The following NSRP1 variants were observed in gnomAD, a reference collection of about 807,000 sequenced individuals.
NSRP1 encodes the protein coiled-coil domain containing 55.
Under a neutral mutation model 54.7 loss-of-function variants are expected in NSRP1, and 24 were observed. The observed-to-expected ratio is 0.44, with a 90% CI of 0.32 to 0.62. The LOEUF (loss-of-function observed/expected upper bound fraction) is 0.62, where lower values mean the gene tolerates loss of function less well. NSRP1 is among the 20% of genes least tolerant of loss of function. The pLI is 0.06. For synonymous variants in NSRP1, 210 were observed against 213.8 expected (o/e 0.98, Z 0.15); for missense variants, 596 against 651.2 (o/e 0.92, Z 0.92).
At chr17:30,160,918 T>C (rs1398649120) in intron 2 of NSRP1, among the ~76,000 whole-genome samples, 1 of 152,206 alleles carries the variant, frequency 6.6e-6, no homozygotes, top group Non-Finnish European at 1.5e-5. Context: ...TTTCAGAAGC[T>C]GCTAAGGGGC....
At chr17:30,176,982 T>A (rs1905147898) in intron 3 of NSRP1, among the ~76,000 whole-genome samples, 1 of 152,204 alleles carries the variant, frequency 6.6e-6, no homozygotes, top group Non-Finnish European at 1.5e-5. Flanking sequence ...CATTAGCCAA[T>A]CTAGCAATTG....
At chr17:30,180,219 TGA>T (rs1905250568) in intron 5 of NSRP1, among the ~76,000 whole-genome samples, 1 of 152,196 alleles carries the variant, frequency 6.6e-6, no homozygotes, top group African/African-American at 2.4e-5. Flanking sequence ...TGCAGTCGTA[TGA>T]TCTTGGCTCA....
chr17:30,179,419 G>A (rs1905229361), intron 5 of NSRP1, 122 bp downstream of exon 5: 23 of 1,355,852 alleles, frequency 1.7e-5, no homozygotes, highest in Non-Finnish European at 2.0e-5. Flanking sequence ...TTATATATAG[G>A]AATTCAAGAC....
chr17:30,145,568 C>T (rs1442587335), intron 2 of NSRP1, among the ~76,000 whole-genome samples: 2 of 152,154 alleles, frequency 1.3e-5, no homozygotes, highest in South Asian at 2.1e-4. Context: ...GGCAACAGAG[C>T]GAGACTCCAT....
At chr17:30,163,661 G>T (rs1348972920) in intron 2 of NSRP1, among the ~76,000 whole-genome samples, 1 of 145,718 alleles carries the variant, frequency 6.9e-6, no homozygotes, top group Non-Finnish European at 1.5e-5. Context: ...GCAGTTTATG[G>T]TGCCTATACT....
chr17:30,168,945 A>G (rs1904832134), intron 2 of NSRP1: 1 of 152,030 alleles, frequency 6.6e-6, no homozygotes, highest in African/African-American at 2.4e-5. Context: ...AGAGTTATCC[A>G]CTGATGCTGT....
intron 2 of NSRP1, among the ~76,000 whole-genome samples, chr17:30,137,286 A>C (rs373232353): frequency 4.6e-4 from 70 of 152,212 alleles, no homozygotes; most frequent in South Asian, 1.4e-3. Context: ...TACTGAGTTT[A>C]TCTCTATAAT....
intron 2 of NSRP1, among the ~76,000 whole-genome samples, chr17:30,154,009 T>A (rs2071937751): frequency 6.6e-6 from 1 of 152,100 alleles, no homozygotes. Context: ...TTTTTTGTCT[T>A]ATTTTAAAAG....
At chr17:30,132,507 T>TCATGC (rs2071710118) in intron 2 of NSRP1, among the ~76,000 whole-genome samples, 1 of 152,018 alleles carries the variant, frequency 6.6e-6, no homozygotes, top group Non-Finnish European at 1.5e-5. Context: ...TGAGCCAAGA[T>TCATGC]CATGCCACTG....
At chr17:30,126,860 G>A (rs375158328) in intron 2 of NSRP1, among the ~76,000 whole-genome samples, 102 of 152,318 alleles carry the variant, frequency 6.7e-4, no homozygotes, top group African/African-American at 2.4e-3. Flanking sequence ...AAAGTGCTAG[G>A]ATTACAAGTG....
Position 30,178,099 on chromosome 17 carries a change from C to T in NSRP1, c.200C>T (p.Ala67Val), listed in dbSNP as rs200960999. ...AAACTGGAAATCCAGAAGGCCCTTGCAGAAGATGCTACTGTGTATGAATAT... is the reference window on the plus strand; with the variant it reads ...AAACTGGAAATCCAGAAGGCCCTTGTAGAAGATGCTACTGTGTATGAATAT... ...QTKLEIQKALAEDATVYEYDS... is the reference protein window; with the variant it reads ...QTKLEIQKALVEDATVYEYDS... Residue 67 changes from alanine to valine, a missense_variant, in exon 4 of 7, where the codon GCA becomes GTA. Physicochemically the swap from Ala to Val is moderately conservative, Grantham distance 64. Coordinates refer to ENST00000247026, the MANE Select transcript of NSRP1 (RefSeq NM_032141.4). 5 of 1,611,684 alleles carry T rather than the reference C, an allele frequency of 3.1e-6. No homozygotes were observed. In the East Asian group the frequency reaches 1.1e-4, roughly 36 times the overall value.
rs28410388 is a variant in NSRP1, at chr17:30,164,642, A to T, written c.115-7900A>T. ...CAAGACCCTGTCTCTACAAAAAAAT[A>T]AAAAAATTAGCTGGATGTGGTGACA... On this transcript the variant is annotated intron_variant, in intron 2 of 6. Coordinates refer to ENST00000247026, the MANE Select transcript of NSRP1 (RefSeq NM_032141.4). Among the ~76,000 whole-genome samples, 8 of 152,136 alleles carry T rather than the reference A, an allele frequency of 5.3e-5. 1 individual carries two copies. The highest frequency in any genetic ancestry group is 4.8e-5 in the African/African-American group (2 of 41,490).
At chr17:30,159,067 A>T (rs1904418639) in intron 2 of NSRP1, among the ~76,000 whole-genome samples, 1 of 152,134 alleles carries the variant, frequency 6.6e-6, no homozygotes, top group South Asian at 2.1e-4. Flanking sequence ...GGTCATTTTC[A>T]CCATATTAAT....
At chr17:30,122,048 A>C (rs1213607273) in intron 2 of NSRP1, among the ~76,000 whole-genome samples, 5 of 152,136 alleles carry the variant, frequency 3.3e-5, no homozygotes, top group African/African-American at 1.2e-4. Flanking sequence ...TCATATAAAT[A>C]GAATCATGCA....
intron 2 of NSRP1, among the ~76,000 whole-genome samples, chr17:30,155,851 A>AT (rs1372790505): frequency 6.6e-6 from 1 of 151,146 alleles, no homozygotes; most frequent in Non-Finnish European, 1.5e-5. Flanking sequence ...TTATTTATTT[A>AT]TTTTTTGAGA....
intron 2 of NSRP1, among the ~76,000 whole-genome samples, chr17:30,160,204 G>A (rs1904466275): frequency 6.6e-6 from 1 of 152,178 alleles, no homozygotes; most frequent in African/African-American, 2.4e-5. Flanking sequence ...TGGTTTGGTA[G>A]TATTTTGTTG....
chr17:30,181,400 T>C (rs1374865938), intron 6 of NSRP1, among the ~76,000 whole-genome samples: 3 of 29,908 alleles, frequency 1.0e-4, no homozygotes, highest in African/African-American at 2.1e-4. Context: ...TCTTTTTTCT[T>C]TTTTTTTTTT....
At chr17:30,118,751 T>C (rs9906386) in intron 2 of NSRP1, among the ~76,000 whole-genome samples, 2,098 of 139,792 alleles carry the variant, frequency 0.015, 48 homozygotes, top group African/African-American at 0.055. Context: ...TCTTTTCTCT[T>C]TTTTTTTTTT....
Position 30,118,135 on chromosome 17 carries a change from C to A in NSRP1, c.76C>A (p.Pro26Thr), listed in dbSNP as rs768806948. ...TQQLHPVLQK[P>T]SVFGNDSDDD... ...GCAGTTGCACCCTGTTTTGCAAAAA[C>A]CATCAGTGTTTGGGAATGATTCTGA... is the stretch of plus-strand genomic sequence containing the variant. Residue 26 changes from proline (P) to threonine (T), a missense_variant, in exon 2 of 7, where the codon CCA becomes ACA. Transcript: ENST00000247026. 1.2e-6 allele frequency: 2 copies of A among 1,613,884 alleles called. No individual in the cohort carries two copies. Among genetic ancestry groups the A allele is most frequent in the Non-Finnish European group, 8.5e-7 (1 of 1,179,898 alleles).
Sources: allele counts gnomAD v4.1 joint callset (sites outside exome capture counted in the v4.1 genomes callset), GRCh38; gene constraint gnomAD v4.1.1; transcripts MANE v1.5; gene names NCBI Gene and HGNC (gene_info 2026-07-23, HGNC 2026-07-21).